NR3C2: variants seen among roughly 807,000 people sequenced by gnomAD.
The protein encoded by NR3C2 is mineralocorticoid receptor.
Under a neutral mutation model 86.4 loss-of-function variants are expected in NR3C2, and 15 were observed. That is an observed-to-expected ratio of 0.17 (90% confidence interval 0.12 to 0.27). The LOEUF (loss-of-function observed/expected upper bound fraction) is 0.27, where lower values mean the gene tolerates loss of function less well. Among genes scored for constraint, NR3C2 ranks in the 10% least tolerant of loss-of-function variants. The pLI is 1.00. For missense variants in NR3C2, 960 were observed against 1,195.6 expected, an observed-to-expected ratio of 0.80 and a Z score of 2.91; for synonymous variants, 458 against 450.5, an observed-to-expected ratio of 1.02 and a Z score of -0.21.
At chr4:148,088,237 A>G (rs1462683151) in intron 8 of NR3C2, among the ~76,000 whole-genome samples, 1 of 152,254 alleles carries the variant, frequency 6.6e-6, no homozygotes, top group Non-Finnish European at 1.5e-5. Context: ...AAGGATATGG[A>G]GAAATAAGAA....
chr4:148,109,326 G>A (rs1731942803), intron 8 of NR3C2, among the ~76,000 whole-genome samples: 1 of 152,198 alleles, frequency 6.6e-6, no homozygotes, highest in African/African-American at 2.4e-5. Context: ...TGGCTGCCCT[G>A]TCTGGGGGTG....
chr4:148,345,435 A>G (rs1486197253), intron 2 of NR3C2, among the ~76,000 whole-genome samples: 1 of 152,064 alleles, frequency 6.6e-6, no homozygotes, highest in African/African-American at 2.4e-5. Context: ...AAAATTCATG[A>G]TGCATCTATT....
chr4:148,339,205 G>A (rs1047461851), intron 2 of NR3C2, among the ~76,000 whole-genome samples: 4 of 152,178 alleles, frequency 2.6e-5, no homozygotes, highest in African/African-American at 9.7e-5. Context: ...GAGACACAGA[G>A]CTATTCCAAG....
chr4:148,353,375 A>G (rs1046475362), intron 2 of NR3C2, among the ~76,000 whole-genome samples: 1 of 152,104 alleles, frequency 6.6e-6, no homozygotes, highest in Admixed American at 6.6e-5. Context: ...CAAAACCATC[A>G]TAAGAAACCA....
At chr4:148,275,989 G>C (rs1246097349) in intron 2 of NR3C2, among the ~76,000 whole-genome samples, 4 of 152,006 alleles carry the variant, frequency 2.6e-5, no homozygotes, top group African/African-American at 9.7e-5. Flanking sequence ...GGGATGATCT[G>C]GGTTACAAAA....
intron 6 of NR3C2, among the ~76,000 whole-genome samples, chr4:148,136,098 AAAC>A (rs1442583990): frequency 1.3e-3 from 184 of 145,644 alleles, no homozygotes; most frequent in Middle Eastern, 3.6e-3. Context: ...AACACCACCA[AAAC>A]CAACAAAAAA....
intron 3 of NR3C2, among the ~76,000 whole-genome samples, chr4:148,203,020 T>C (rs754069347): frequency 1.7e-4 from 26 of 152,238 alleles, no homozygotes; most frequent in Non-Finnish European, 3.1e-4. Context: ...ATGCTCCCTA[T>C]GTTATGTGAA....
intron 4 of NR3C2, among the ~76,000 whole-genome samples, chr4:148,192,290 G>C (rs1001197842): frequency 6.6e-6 from 1 of 152,196 alleles, no homozygotes. Context: ...CTGGCTCCGG[G>C]CTGGCATTGG....
chr4:148,184,661 C>G (rs1376138501), intron 4 of NR3C2, among the ~76,000 whole-genome samples: 1 of 152,046 alleles, frequency 6.6e-6, no homozygotes, highest in East Asian at 1.9e-4. Flanking sequence ...CTAGCAAGTG[C>G]TTTTTTAAAA....
chr4:148,118,516 C>T (rs1311884778), intron 7 of NR3C2, among the ~76,000 whole-genome samples: 1 of 152,192 alleles, frequency 6.6e-6, no homozygotes, highest in Non-Finnish European at 1.5e-5. Flanking sequence ...GGTAACCCCA[C>T]TCACCATTGG....
intron 4 of NR3C2, among the ~76,000 whole-genome samples, chr4:148,185,952 T>C (rs555232776): frequency 1.3e-5 from 2 of 152,304 alleles, no homozygotes; most frequent in East Asian, 1.9e-4. Context: ...ATTTCTAGCA[T>C]TGCAAGAATA....
At chr4:148,125,673 T>A (rs1268180183) in intron 6 of NR3C2, among the ~76,000 whole-genome samples, 1 of 152,216 alleles carries the variant, frequency 6.6e-6, no homozygotes, top group Non-Finnish European at 1.5e-5. Flanking sequence ...AACTGCAAAC[T>A]TCTTCAAGAC....
At chr4:148,445,053 G>T (rs1172186026), upstream of NR3C2, 2 of 960,804 alleles carry the variant, frequency 2.1e-6, no homozygotes, top group Non-Finnish European at 1.2e-6. Context: ...ACCGCGTCCG[G>T]CCACCCGCGG....
At chr4:148,403,029 T>C (rs1748247107) in intron 2 of NR3C2, among the ~76,000 whole-genome samples, 1 of 152,040 alleles carries the variant, frequency 6.6e-6, no homozygotes, top group South Asian at 2.1e-4. Flanking sequence ...TATATATTTG[T>C]ATGTGTATAT....
In NR3C2 at chr4:148,352,585, G is replaced by C. The variant is rs1745345651; in HGVS notation, c.1757+82519C>G. On this transcript the variant is annotated intron_variant, in intron 2 of 8. Transcript: ENST00000358102. ...CTCCTACTGGCAACAGCAGGGTGTTGGGAAAAGATGAGACATCATGTACAT... is the reference window on the plus strand; with the variant it reads ...CTCCTACTGGCAACAGCAGGGTGTTCGGAAAAGATGAGACATCATGTACAT... 2.0e-5 allele frequency among the ~76,000 whole-genome samples: 3 copies of C among 152,022 alleles called. No homozygotes were observed. The South Asian group carries it at 6.2e-4, about 32-fold the overall frequency.
rs146961114 is a variant in NR3C2, at chr4:148,374,009, C to A, written c.1757+61095G>T. On this transcript the variant is annotated intron_variant, in intron 2 of 8. Coordinates refer to ENST00000358102, the MANE Select transcript of NR3C2 (RefSeq NM_000901.5). Reference sequence around the variant, plus strand: ...TGCACTCCAAGCCTTGCACAGACCTCTACAGCTGCCTTTTGAGATATGAAA... The same window carrying A: ...TGCACTCCAAGCCTTGCACAGACCTATACAGCTGCCTTTTGAGATATGAAA... Among the ~76,000 whole-genome samples, 143 of 152,304 alleles carry A rather than the reference C, an allele frequency of 9.4e-4. 1 individual carries two copies. The highest frequency in any genetic ancestry group is 4.6e-3 in the Admixed American group (70 of 15,306).
chr4:148,419,683 A>AT (rs1749183717), intron 2 of NR3C2, among the ~76,000 whole-genome samples: 1 of 152,180 alleles, frequency 6.6e-6, no homozygotes, highest in Admixed American at 6.5e-5. Context: ...TTTGGAAAAC[A>AT]TTCTGATTAC....
intron 2 of NR3C2, among the ~76,000 whole-genome samples, chr4:148,392,347 CT>C (rs1747630636): frequency 6.6e-6 from 1 of 152,218 alleles, no homozygotes. Flanking sequence ...GCTTACCCCC[CT>C]TTTAAGGTTC....
intron 8 of NR3C2, among the ~76,000 whole-genome samples, chr4:148,088,002 GAACTT>G (rs544312284): frequency 9.1e-4 from 139 of 152,134 alleles, no homozygotes; most frequent in Non-Finnish European, 1.6e-3. Flanking sequence ...AATCTACAAA[GAACTT>G]AAATTTACAA....
Sources: gnomAD v4.1 joint callset for allele counts (sites outside exome capture counted in the v4.1 genomes callset) on GRCh38, gnomAD v4.1.1 for gene constraint, MANE v1.5 for transcripts, NCBI Gene and HGNC (gene_info 2026-07-23, HGNC 2026-07-21) for gene names.